TBC1D5: variants seen among roughly 807,000 people sequenced by gnomAD.
TBC1D5 encodes the protein TBC1 domain family member 5, also known as TBC1 domain family, member 5.
In TBC1D5, 75 loss-of-function variants were observed where a neutral mutation model predicts 100.3. The observed-to-expected ratio is 0.75, with a 90% CI of 0.62 to 0.91. The LOEUF (loss-of-function observed/expected upper bound fraction) is 0.91, where lower values mean the gene tolerates loss of function less well. Among genes scored for constraint, TBC1D5 ranks in the 40% least tolerant of loss-of-function variants. TBC1D5 has a pLI of 0.00. For missense variants in TBC1D5, 910 were observed against 942.4 expected (o/e 0.97, Z 0.45); for synonymous variants, 323 against 325.6 (o/e 0.99, Z 0.09).
chr3:17,423,468 TA>T (rs2094264996), intron 4 of TBC1D5, among the ~76,000 whole-genome samples: 1 of 152,174 alleles, frequency 6.6e-6, no homozygotes, highest in Admixed American at 6.5e-5. Flanking sequence ...TTTTGTTTTT[TA>T]ATTCAACACC....
chr3:17,709,993 A>C (rs2074562030), intron 1 of TBC1D5, among the ~76,000 whole-genome samples: 1 of 152,192 alleles, frequency 6.6e-6, no homozygotes, highest in Non-Finnish European at 1.5e-5. Context: ...TGGGCCCTTG[A>C]TTAAAACCAA....
At chr3:17,277,935 A>G (rs1575097424) in intron 15 of TBC1D5, among the ~76,000 whole-genome samples, 1 of 152,196 alleles carries the variant, frequency 6.6e-6, no homozygotes, top group Admixed American at 6.5e-5. Context: ...AACCAGCTGT[A>G]ATGAAATTAC....
chr3:17,323,662 TA>T (rs552697157), intron 13 of TBC1D5, among the ~76,000 whole-genome samples: 1,944 of 151,032 alleles, frequency 0.013, 16 homozygotes, highest in Middle Eastern at 0.038. Context: ...CTGAAAACTA[TA>T]AAAAAAAAGA....
At chr3:17,185,347 A>C (rs2068912168) in intron 18 of TBC1D5, 139 bp from the exon 20 acceptor site, 1 of 575,870 alleles carries the variant, frequency 1.7e-6, no homozygotes, top group Admixed American at 3.3e-5. Flanking sequence ...GCAAACAAAA[A>C]CAAAATCACA....
intron 1 of TBC1D5, among the ~76,000 whole-genome samples, chr3:17,681,166 A>C (rs999530934): frequency 6.6e-6 from 1 of 151,678 alleles, no homozygotes; most frequent in Admixed American, 6.6e-5. Context: ...GAAGGGCTTC[A>C]TACCGTAACT....
chr3:17,599,876 A>C (rs1019115944), intron 2 of TBC1D5, among the ~76,000 whole-genome samples: 9 of 152,158 alleles, frequency 5.9e-5, no homozygotes, highest in African/African-American at 2.2e-4. Context: ...AAGGGAAATG[A>C]GGGGGATGGG....
At position 17,560,638 on chromosome 3, in the gene TBC1D5, G is replaced by A. The variant is rs533591784; in HGVS notation, c.-35-52033C>T. ...TGTCTTTAAAAAAAAAAGGGGGGGTGGGGGGCGGACACAGTGGCTCACACC... is the reference window on the plus strand; with the variant it reads ...TGTCTTTAAAAAAAAAAGGGGGGGTAGGGGGCGGACACAGTGGCTCACACC... On this transcript the variant is annotated intron_variant, in intron 2 of 21. Transcript: ENST00000253692. Among the ~76,000 whole-genome samples, 5 of 149,140 alleles carry A rather than the reference G, an allele frequency of 3.4e-5. No homozygotes were observed. In the South Asian group the frequency reaches 6.4e-4, roughly 19 times the overall value.
chr3:17,614,095 T>C (rs993785567), intron 2 of TBC1D5, among the ~76,000 whole-genome samples: 1 of 152,242 alleles, frequency 6.6e-6, no homozygotes, highest in African/African-American at 2.4e-5. Context: ...GTTTCAGCTT[T>C]ACACATATGG....
intron 19 of TBC1D5, among the ~76,000 whole-genome samples, chr3:17,183,911 C>G (rs1248699392): frequency 6.6e-6 from 1 of 152,156 alleles, no homozygotes; most frequent in Non-Finnish European, 1.5e-5. Flanking sequence ...GGGATGCATC[C>G]TGATTTCTTA....
intron 14 of TBC1D5, among the ~76,000 whole-genome samples, chr3:17,301,299 T>A (rs1016536781): frequency 3.9e-5 from 6 of 152,308 alleles, no homozygotes; most frequent in Admixed American, 2.6e-4. Flanking sequence ...AAAAAATAGA[T>A]GTGAAAATTT....
chr3:17,696,068 T>G (rs537488578), intron 1 of TBC1D5, among the ~76,000 whole-genome samples: 1 of 152,092 alleles, frequency 6.6e-6, no homozygotes, highest in Non-Finnish European at 1.5e-5. Flanking sequence ...AAAGACACAA[T>G]GTACCAGAAT....
rs529072826 is a variant in TBC1D5, at chr3:17,367,348, A to C, written c.995+4727T>G. ...ACGCAAATATTTTAGATGCTTTTGC[A>C]CAAAAATAATCCCCAAGTGATGAAA... On this transcript the variant is annotated intron_variant, in intron 13 of 21. Transcript: ENST00000253692. 2.7e-3 allele frequency among the ~76,000 whole-genome samples: 405 copies of C among 152,318 alleles called. 1 individual carries two copies. Among genetic ancestry groups the C allele is most frequent in the Non-Finnish European group, 4.5e-3 (305 of 68,022 alleles).
chr3:17,651,552 T>C (rs1269903798), intron 1 of TBC1D5, among the ~76,000 whole-genome samples: 3 of 152,038 alleles, frequency 2.0e-5, no homozygotes, highest in East Asian at 1.9e-4. Flanking sequence ...CTACTGAAAA[T>C]ACAAAAAACT....
At chr3:17,281,914 T>C (rs2080645520) in intron 15 of TBC1D5, among the ~76,000 whole-genome samples, 1 of 152,216 alleles carries the variant, frequency 6.6e-6, no homozygotes, top group African/African-American at 2.4e-5. Context: ...CAGTTTTAAG[T>C]TTATAATCTT....
At chr3:17,222,726 T>C (rs545271596) in intron 17 of TBC1D5, among the ~76,000 whole-genome samples, 1 of 152,070 alleles carries the variant, frequency 6.6e-6, no homozygotes, top group African/African-American at 2.4e-5. Flanking sequence ...TTTACTTTCA[T>C]CCTGCTTATG....
intron 1 of TBC1D5, among the ~76,000 whole-genome samples, chr3:17,634,038 A>C (rs2063703459): frequency 6.6e-6 from 1 of 152,192 alleles, no homozygotes; most frequent in Non-Finnish European, 1.5e-5. Context: ...CACAGGTAAA[A>C]TGGCTTATAG....
At chr3:17,325,708 T>C (rs2086021222) in intron 13 of TBC1D5, among the ~76,000 whole-genome samples, 1 of 152,290 alleles carries the variant, frequency 6.6e-6, no homozygotes, top group Admixed American at 6.5e-5. Context: ...ATTCTGGAAA[T>C]GGTAAAACTA....
intron 18 of TBC1D5, among the ~76,000 whole-genome samples, chr3:17,204,244 C>G (rs932520416): frequency 2.0e-5 from 3 of 152,208 alleles, no homozygotes; most frequent in Non-Finnish European, 4.4e-5. Context: ...GCAATCTGGT[C>G]TCTGGCCTTG....
intron 9 of TBC1D5, among the ~76,000 whole-genome samples, chr3:17,379,068 T>C (rs754060438): frequency 6.6e-6 from 1 of 151,882 alleles, no homozygotes; most frequent in African/African-American, 2.4e-5. Flanking sequence ...CTTTAAAATA[T>C]TCTAATATTT....
Sources: allele counts gnomAD v4.1 joint callset (sites outside exome capture counted in the v4.1 genomes callset), GRCh38; gene constraint gnomAD v4.1.1; transcripts MANE v1.5; gene names NCBI Gene and HGNC (gene_info 2026-07-23, HGNC 2026-07-21).